DNAJC5: variants seen among roughly 807,000 people sequenced by gnomAD.
DNAJC5 encodes dnaJ homolog subfamily C member 5.
DNAJC5 carries 1 observed loss-of-function variant against 23.2 expected under a neutral mutation model. That is an observed-to-expected ratio of 0.04 (90% CI 0.02 to 0.20). The LOEUF (loss-of-function observed/expected upper bound fraction) is 0.20, where lower values mean the gene tolerates loss of function less well. Among genes scored for constraint, DNAJC5 ranks in the 10% least tolerant of loss-of-function variants. The pLI, the probability that DNAJC5 is intolerant of heterozygous loss-of-function variation, is 1.00. For synonymous variants in DNAJC5, 136 were observed against 120.0 expected (o/e 1.13, Z -0.87); for missense variants, 180 against 267.0 (o/e 0.67, Z 2.27).
chr20:63,929,360 G>T lies in DNAJC5; in HGVS notation c.156G>T (p.Glu52Asp). The T allele has an allele frequency of 6.2e-7, 1 of 1,614,154 alleles. No individual in the cohort carries two copies. The highest frequency in any genetic ancestry group is 1.6e-4 in the Middle Eastern group (1 of 6,062). ...CCGACAAGAACCCCGACAACCCGGA[G>T]GCCGCGGACAAGTTTAAGGAGATCA... ...YHPDKNPDNP[E>D]AADKFKEINN... The change falls in exon 3 of 5, where the codon GAG becomes GAT. Residue 52 changes from glutamate to aspartate, a missense_variant. Around this residue, in one of 3 missense-constraint regions of DNAJC5, gnomAD observed 77 missense variants for 106.8 expected, o/e 0.72. Coordinates refer to ENST00000360864, the MANE Select transcript of DNAJC5 (RefSeq NM_025219.3). This position sits in a 1 kb window ranked among gnomAD's most constrained non-coding sequence, Gnocchi z 8.6.
intron 1 of DNAJC5, among the ~76,000 whole-genome samples, chr20:63,921,048 C>T (rs1378806827): frequency 6.6e-6 from 1 of 152,090 alleles, no homozygotes; most frequent in East Asian, 1.9e-4. Context: ...CAAACTCCAC[C>T]TCCCGGGTTC....
chr20:63,931,202 C>A lies in DNAJC5; in HGVS notation c.493+180C>A. 1 of 786,480 alleles carries A rather than the reference C, an allele frequency of 1.3e-6. No individual in the cohort carries two copies. The highest frequency in any genetic ancestry group is 1.7e-5 in the South Asian group (1 of 60,356). 48.7% of individuals were successfully genotyped at this position (786,480 alleles called of 1,614,324 possible). On this transcript the variant is annotated intron_variant, in intron 4 of 4. Transcript: ENST00000360864. The surrounding 1 kb of genome is among the most constrained non-coding windows in gnomAD (Gnocchi z 9.6). ...CCTGAGGTAAAGCAGGCGCATAGAGCTGTCCCCGCCGTGACCTGCGGTAGC... is the reference window on the plus strand; with the variant it reads ...CCTGAGGTAAAGCAGGCGCATAGAGATGTCCCCGCCGTGACCTGCGGTAGC...
chr20:63,903,585 G>T (rs1269077579), intron 1 of DNAJC5, among the ~76,000 whole-genome samples: 1 of 152,204 alleles, frequency 6.6e-6, no homozygotes, highest in South Asian at 2.1e-4. Flanking sequence ...GGGATTACAG[G>T]TGTGAGCCAC....
intron 1 of DNAJC5, among the ~76,000 whole-genome samples, chr20:63,919,259 T>G (rs2053542181): frequency 6.6e-6 from 1 of 152,206 alleles, no homozygotes; most frequent in South Asian, 2.1e-4. Flanking sequence ...GCCTGTTTGG[T>G]TTATTTTGTT....
intron 1 of DNAJC5, among the ~76,000 whole-genome samples, chr20:63,917,594 C>T (rs920620548): frequency 2.7e-5 from 4 of 149,368 alleles, no homozygotes; most frequent in Admixed American, 1.3e-4. Flanking sequence ...CTTGCTCTGT[C>T]GCCCAGGCTG....
chr20:63,931,594 A>G lies in DNAJC5; in HGVS notation c.*26A>G. ...ATCCAGGAGGAGCTGTGGTCAGAGG[A>G]GGAGCCGGCGCCTGGCCACGCCAAC... On this transcript the variant is annotated 3_prime_UTR_variant, in exon 5 of 5. Coordinates refer to ENST00000360864, the MANE Select transcript of DNAJC5 (RefSeq NM_025219.3). This position sits in a 1 kb window ranked among gnomAD's most constrained non-coding sequence, Gnocchi z 9.6. 1.3e-6 allele frequency: 2 copies of G among 1,538,338 alleles called. No homozygotes were observed. The highest frequency in any genetic ancestry group is 1.7e-6 in the Non-Finnish European group (2 of 1,143,868).
intron 1 of DNAJC5, among the ~76,000 whole-genome samples, chr20:63,910,686 T>TTTG (rs2053477429): frequency 7.2e-6 from 1 of 139,214 alleles, no homozygotes; most frequent in African/African-American, 2.9e-5. Flanking sequence ...TTTTTTTTTT[T>TTTG]AATTGAGACA....
chr20:63,917,155 A>C (rs1025116305), intron 1 of DNAJC5, among the ~76,000 whole-genome samples: 1 of 152,244 alleles, frequency 6.6e-6, no homozygotes, highest in South Asian at 2.1e-4. Flanking sequence ...TGTCCATGAA[A>C]TCTTCACAAT....
At chr20:63,904,919 T>G (rs1293108611) in intron 1 of DNAJC5, among the ~76,000 whole-genome samples, 1 of 151,718 alleles carries the variant, frequency 6.6e-6, no homozygotes, top group African/African-American at 2.4e-5. Context: ...TTCTCCTGCC[T>G]CAGCCTCCAG....
chr20:63,924,531 A>G (rs1481452582), intron 1 of DNAJC5, among the ~76,000 whole-genome samples: 2 of 152,168 alleles, frequency 1.3e-5, no homozygotes, highest in East Asian at 1.9e-4. Flanking sequence ...GACCACAGAC[A>G]TGAGCCACCA....
intron 1 of DNAJC5, among the ~76,000 whole-genome samples, chr20:63,895,967 G>A (rs911187672): frequency 1.3e-5 from 2 of 152,172 alleles, no homozygotes; most frequent in Admixed American, 1.3e-4. Context: ...TAAGTGTCTG[G>A]ATTAAAGACT....
intron 1 of DNAJC5, among the ~76,000 whole-genome samples, chr20:63,910,962 C>T (rs1330480100): frequency 1.3e-5 from 2 of 152,188 alleles, no homozygotes; most frequent in Non-Finnish European, 2.9e-5. Context: ...AGCCACCATG[C>T]CCGGCCTGTT....
In DNAJC5 at chr20:63,929,361, G is replaced by T. The variant is rs750037969; in HGVS notation, c.157G>T (p.Ala53Ser). The T allele has an allele frequency of 1.2e-6, 2 of 1,614,124 alleles. No homozygotes were observed. The highest frequency in any genetic ancestry group is 2.2e-5 in the South Asian group (2 of 91,086). ...CGACAAGAACCCCGACAACCCGGAG[G>T]CCGCGGACAAGTTTAAGGAGATCAA... is the stretch of plus-strand genomic sequence containing the variant. ...HPDKNPDNPE[A>S]ADKFKEINNA... The change falls in exon 3 of 5, where the codon GCC becomes TCC. Residue 53 changes from alanine to serine, a missense_variant. By Grantham distance (99) the Ala-to-Ser change is moderately conservative. Transcript: ENST00000360864. This position sits in a 1 kb window ranked among gnomAD's most constrained non-coding sequence, Gnocchi z 8.6.
intron 1 of DNAJC5, among the ~76,000 whole-genome samples, chr20:63,918,820 T>G (rs367544036): frequency 6.6e-5 from 10 of 152,218 alleles, no homozygotes; most frequent in East Asian, 1.9e-4. Context: ...GGTCTCGATC[T>G]CCTGACCTTG....
At chr20:63,900,049 C>A (rs966106823) in intron 1 of DNAJC5, among the ~76,000 whole-genome samples, 1 of 151,704 alleles carries the variant, frequency 6.6e-6, no homozygotes, top group Non-Finnish European at 1.5e-5. Flanking sequence ...CCATGACACC[C>A]GGCTAATTTT....
chr20:63,914,145 G>A (rs766419781), intron 1 of DNAJC5, among the ~76,000 whole-genome samples: 2 of 152,216 alleles, frequency 1.3e-5, no homozygotes, highest in Non-Finnish European at 2.9e-5. Context: ...GGTGAAAGTG[G>A]CGCCCAGACT....
chr20:63,909,417 G>A (rs1246129761), intron 1 of DNAJC5, among the ~76,000 whole-genome samples: 1 of 152,078 alleles, frequency 6.6e-6, no homozygotes, highest in Non-Finnish European at 1.5e-5. Flanking sequence ...GCAGGAGAAT[G>A]GCGTGAACCA....
rs144991109 is a variant in DNAJC5, at chr20:63,908,517, G to T, written c.-12+13194G>T. On this transcript the variant is annotated intron_variant, in intron 1 of 4. Transcript: ENST00000360864. ...GCCAGGGTGGGTGTGCCGTTTGATT[G>T]GTCACGGAATGAACAGGGCAAAGGT... Among the ~76,000 whole-genome samples, 76 of 152,312 alleles carry T rather than the reference G, an allele frequency of 5.0e-4. 2 individuals carry two copies. In the East Asian group the frequency reaches 0.014, roughly 28 times the overall value.
At chr20:63,930,234 T>A (rs1301538254) in intron 3 of DNAJC5, among the ~76,000 whole-genome samples, 2 of 152,144 alleles carry the variant, frequency 1.3e-5, no homozygotes, top group Non-Finnish European at 2.9e-5. Flanking sequence ...ACTGGAGTGC[T>A]GTGGTGAGAT....
Sources: gnomAD v4.1 joint callset for allele counts (sites outside exome capture counted in the v4.1 genomes callset) on GRCh38, gnomAD v4.1.1 for gene constraint, gnomAD v4.1.1 regional missense constraint, Gnocchi (gnomAD v3.1) non-coding constraint, MANE v1.5 for transcripts, NCBI Gene and HGNC (gene_info 2026-07-23, HGNC 2026-07-21) for gene names.